CPLANE1: variants seen among roughly 807,000 people sequenced by gnomAD.
CPLANE1 encodes ciliogenesis and planar polarity effector complex subunit 1, also known as ciliogenesis and planar polarity effector 1.
In CPLANE1, 263 loss-of-function variants were observed where a neutral mutation model predicts 362.5. The ratio of observed to expected loss-of-function variants is 0.73; its 90% CI spans 0.66 to 0.80. The LOEUF is 0.80. Among genes scored for constraint, CPLANE1 ranks in the 30% least tolerant of loss-of-function variants. CPLANE1 has a pLI of 0.00. For synonymous variants in CPLANE1, 1,212 were observed against 1,302.6 expected (o/e 0.93, Z 1.50); for missense variants, 3,461 against 3,793.4 (o/e 0.91, Z 2.30).
chr5:37,147,673 G>C (rs893441893), intron 43 of CPLANE1, among the ~76,000 whole-genome samples: 1 of 152,052 alleles, frequency 6.6e-6, no homozygotes, highest in Admixed American at 6.5e-5. Context: ...TGACAAGACT[G>C]AATGAGAAAG....
chr5:37,111,495 T>C (rs1759321120), intron 51 of CPLANE1, among the ~76,000 whole-genome samples: 1 of 152,302 alleles, frequency 6.6e-6, no homozygotes, highest in East Asian at 1.9e-4. Context: ...TATCTATAAG[T>C]AAAATATGAA....
intron 44 of CPLANE1, chr5:37,139,890 T>A: frequency 1.0e-6 from 1 of 985,502 alleles, no homozygotes; most frequent in Non-Finnish European, 1.2e-6. Flanking sequence ...GTACTCAGTG[T>A]AATATGTCAG....
downstream of CPLANE1, among the ~76,000 whole-genome samples, chr5:37,103,844 G>A (rs547478268): frequency 4.6e-5 from 7 of 152,090 alleles, no homozygotes; most frequent in Non-Finnish European, 7.4e-5. Context: ...GGTGTGTTTT[G>A]GGGTTTTCTT....
intron 16 of CPLANE1, among the ~76,000 whole-genome samples, chr5:37,207,500 T>G (rs775757280): frequency 2.0e-5 from 3 of 152,218 alleles, no homozygotes; most frequent in Non-Finnish European, 4.4e-5. Context: ...TTTACTACTT[T>G]CACACAGTAA....
intron 31 of CPLANE1, 129 bp downstream of exon 31, chr5:37,175,780 C>T (rs1780997983): frequency 6.1e-6 from 4 of 655,584 alleles, no homozygotes; most frequent in Non-Finnish European, 8.0e-6. Flanking sequence ...TTTTATGTTG[C>T]TTTCATTTTT....
intron 23 of CPLANE1, among the ~76,000 whole-genome samples, chr5:37,187,081 A>C (rs1037839302): frequency 5.3e-5 from 8 of 150,182 alleles, no homozygotes; most frequent in Admixed American, 2.6e-4. Flanking sequence ...AAAAAAAAAA[A>C]AAAAAACTAT....
intron 18 of CPLANE1, among the ~76,000 whole-genome samples, chr5:37,203,844 A>G (rs1259063866): frequency 1.3e-5 from 2 of 152,158 alleles, no homozygotes; most frequent in African/African-American, 4.8e-5. Flanking sequence ...GTGTACATGA[A>G]TATTTGAATG....
At chr5:37,190,818 G>C (rs750683964) in intron 21 of CPLANE1, among the ~76,000 whole-genome samples, 12 of 152,104 alleles carry the variant, frequency 7.9e-5, no homozygotes, top group Non-Finnish European at 1.6e-4. Flanking sequence ...GGTGTTTATG[G>C]TGACAACTGT....
intron 16 of CPLANE1, among the ~76,000 whole-genome samples, chr5:37,207,091 T>C (rs1208551928): frequency 6.6e-6 from 1 of 152,236 alleles, no homozygotes; most frequent in Non-Finnish European, 1.5e-5. Context: ...AAAAGGATAA[T>C]ATCGTTCCCC....
In CPLANE1 at chr5:37,170,161, C is replaced by A. The variant is rs1434730666; in HGVS notation, c.6342G>T (p.Lys2114Asn). Reference protein sequence around the residue: ...GDVEDSNKNLKERFFIKPQSM... With the variant: ...GDVEDSNKNLNERFFIKPQSM... ...ACTGTGGTTTAATAAAAAATCTCTC[C>A]TTAAGATTTTTGTTGCTGTCTTCAA... is the stretch of plus-strand genomic sequence containing the variant. The change falls in exon 33 of 53, where the codon AAG becomes AAT. Residue 2114 changes from lysine to asparagine, a missense_variant. Transcript: ENST00000651892. The A allele has an allele frequency of 6.2e-7, 1 of 1,614,152 alleles. No individual in the cohort carries two copies. The highest frequency in any genetic ancestry group is 2.2e-5 in the East Asian group (1 of 44,890).
the CPLANE1 span, among the ~76,000 whole-genome samples, chr5:37,098,756 A>C: frequency 6.6e-6 from 1 of 152,038 alleles, no homozygotes; most frequent in South Asian, 2.1e-4. Flanking sequence ...AAATAAATGG[A>C]AATTAAACAA....
intron 43 of CPLANE1, among the ~76,000 whole-genome samples, 185 bp downstream of exon 43, chr5:37,147,996 A>AAAAAAAAAAAAAAAAAAAAC: frequency 6.7e-6 from 1 of 150,352 alleles, no homozygotes; most frequent in Admixed American, 6.6e-5. Context: ...AAAAAAAAAA[A>AAAAAAAAAAAAAAAAAAAAC]AAGGCCGTGA....
At chr5:37,213,819 A>T in intron 15 of CPLANE1, 87 bp from the exon 16 acceptor site, 1 of 1,085,960 alleles carries the variant, frequency 9.2e-7, no homozygotes, top group Non-Finnish European at 1.2e-6. Context: ...ACAAAAAGAA[A>T]ATTGCAATAC....
intron 28 of CPLANE1, among the ~76,000 whole-genome samples, chr5:37,179,778 C>T (rs117507678): frequency 6.6e-6 from 1 of 152,120 alleles, no homozygotes; most frequent in East Asian, 1.9e-4. Context: ...ACAAGACGCC[C>T]AATAATGGTA....
Position 37,243,076 on chromosome 5 carries a change from C to T in CPLANE1, c.614G>A (p.Gly205Glu). The change falls in exon 6 of 53, where the codon GGG (glycine) becomes GAG (glutamate). Residue 205 changes from glycine (G) to glutamate (E), a missense_variant. This residue lies in a region of CPLANE1 where 3,380 missense variants were observed against 3,666.1 expected (regional missense o/e 0.92). Coordinates refer to ENST00000651892, the MANE Select transcript of CPLANE1 (RefSeq NM_001384732.1). ...TAGAAATGTTAACTTCAGGCATTCC[C>T]CAGAATAAAAAGTAAATGAACACAG... is the stretch of plus-strand genomic sequence containing the variant. ...CCLCSFTFYSGECLKLTFLAI... is the reference protein window; with the variant it reads ...CCLCSFTFYSEECLKLTFLAI... 1.3e-6 allele frequency: 2 copies of T among 1,547,188 alleles called. No individual in the cohort carries two copies. The highest frequency in any genetic ancestry group is 2.5e-5 in the East Asian group (1 of 40,578).
At position 37,144,384 on chromosome 5, in the gene CPLANE1, G is replaced by C. The variant is rs1172374326; in HGVS notation, c.8462-1904C>G. Among the ~76,000 whole-genome samples, 5 of 135,984 alleles carry C rather than the reference G, an allele frequency of 3.7e-5. No homozygotes were observed. The East Asian group carries it at 1.2e-3, about 33-fold the overall frequency. 89.2% of individuals were successfully genotyped at this position (135,984 alleles called of 152,430 possible). A position where few individuals can be genotyped will look rare whatever the true frequency, so the allele number is the denominator to read the frequency against. On this transcript the variant is annotated intron_variant, in intron 43 of 52. Coordinates refer to ENST00000651892, the MANE Select transcript of CPLANE1 (RefSeq NM_001384732.1). The stretch of plus-strand genomic sequence containing the variant: ...GATCGCACCACTGCACTCCAACAGA[G>C]TGAGACTTTGTCTAAAAAAAAAAAA...
Position 37,247,644 on chromosome 5 carries a change from A to G in CPLANE1, c.55T>C (p.Trp19Arg). 1 of 1,551,462 alleles carries G rather than the reference A, an allele frequency of 6.4e-7. No homozygotes were observed. The highest frequency in any genetic ancestry group is 8.7e-7 in the Non-Finnish European group (1 of 1,146,600). Residue 19 changes from tryptophan to arginine, a missense_variant, in exon 2 of 53, where the codon TGG becomes CGG. By Grantham distance (101) the Trp-to-Arg change is moderately radical. This residue lies in a region of CPLANE1 where 3,380 missense variants were observed against 3,666.1 expected (regional missense o/e 0.92). Coordinates refer to ENST00000651892, the MANE Select transcript of CPLANE1 (RefSeq NM_001384732.1). ...TTTCCCAACCAGGAGACACGTGGCC[A>G]TGGTTTTTTCTGCTTAATACCTGTT... is the stretch of plus-strand genomic sequence containing the variant. The part of the protein sequence containing the change: ...TSTGIKQKKP[W>R]PRVSWLGKEK...
chr5:37,148,251 G>A lies in CPLANE1; in HGVS notation c.8391C>T (p.His2797=). 6.2e-7 allele frequency: 1 copy of A among 1,610,230 alleles called. No individual in the cohort carries two copies. Among genetic ancestry groups the A allele is most frequent in the Admixed American group, 1.7e-5 (1 of 59,834 alleles). ...LHCDKIGPVD[H]IEFSSGPEFK... ...ATTCAGGGCCAGAAGAGAATTCAAT[G>A]TGATCCACTGGTCCAATCTGTAGAA... is the stretch of plus-strand genomic sequence containing the variant. The change falls in exon 43 of 53, where the codon CAC becomes CAT. Residue 2797 remains histidine (H), a synonymous_variant. Coordinates refer to ENST00000651892, the MANE Select transcript of CPLANE1 (RefSeq NM_001384732.1).
Position 37,107,626 on chromosome 5 carries a change from A to C in CPLANE1, c.9732T>G (p.Ser3244=). Residue 3244 remains serine (S), a synonymous_variant, in exon 53 of 53, where the codon TCT becomes TCG. Transcript: ENST00000651892. ...MVASVEDQGL[S]VHWALDL ...CTTACAGGTCCAGGGCCCAGTGGAC[A>C]GACAGGCCCTGGTCCTCCACGCTGG... 1 of 1,610,908 alleles carries C rather than the reference A, an allele frequency of 6.2e-7. No individual in the cohort carries two copies. Among genetic ancestry groups the C allele is most frequent in the Non-Finnish European group, 8.5e-7 (1 of 1,179,242 alleles).
Sources: allele counts gnomAD v4.1 joint callset (sites outside exome capture counted in the v4.1 genomes callset), GRCh38; gene constraint gnomAD v4.1.1; regional missense constraint gnomAD v4.1.1; transcripts MANE v1.5; gene names NCBI Gene and HGNC (gene_info 2026-07-23, HGNC 2026-07-21).